COL24A1: variants seen among roughly 807,000 people sequenced by gnomAD.
COL24A1 encodes collagen alpha-1(XXIV) chain.
In COL24A1, 224 loss-of-function variants were observed where a neutral mutation model predicts 253.9. That is an observed-to-expected ratio of 0.88 (90% confidence interval 0.79 to 0.99). The LOEUF (loss-of-function observed/expected upper bound fraction) is 0.99. Among genes scored for constraint, COL24A1 ranks in the 50% least tolerant of loss-of-function variants. The pLI, the probability that COL24A1 is intolerant of heterozygous loss-of-function variation, is 0.00. For synonymous variants in COL24A1, 685 were observed against 673.7 expected, an observed-to-expected ratio of 1.02 and a Z score of -0.26; for missense variants, 2,131 against 2,068.5, an observed-to-expected ratio of 1.03 and a Z score of -0.59.
At chr1:85,807,247 G>A (rs1171198324) in intron 47 of COL24A1, among the ~76,000 whole-genome samples, 1 of 152,182 alleles carries the variant, frequency 6.6e-6, no homozygotes, top group East Asian at 1.9e-4. Flanking sequence ...CAAAGGCCCA[G>A]GAAGATGAAA....
intron 5 of COL24A1, among the ~76,000 whole-genome samples, chr1:86,105,492 G>T (rs1704888378): frequency 1.3e-5 from 2 of 152,146 alleles, no homozygotes; most frequent in South Asian, 4.1e-4. Flanking sequence ...TCCAGCATTG[G>T]GTGCCCTGGG....
At chr1:85,746,653 T>C (rs766728794) in intron 55 of COL24A1, among the ~76,000 whole-genome samples, 5 of 152,162 alleles carry the variant, frequency 3.3e-5, no homozygotes, top group Non-Finnish European at 7.3e-5. Context: ...AAGGCTTCCC[T>C]GAGGTAGTAA....
At chr1:86,046,556 C>T (rs1699916853) in intron 12 of COL24A1, among the ~76,000 whole-genome samples, 1 of 152,140 alleles carries the variant, frequency 6.6e-6, no homozygotes, top group South Asian at 2.1e-4. Flanking sequence ...TTTTCTGTGA[C>T]ATTTTAGCTC....
At chr1:85,924,011 A>G (rs746462404) in intron 24 of COL24A1, among the ~76,000 whole-genome samples, 25 of 152,236 alleles carry the variant, frequency 1.6e-4, no homozygotes, top group Non-Finnish European at 3.2e-4. Flanking sequence ...TCACAGAAAT[A>G]CAAACTACCA....
At chr1:85,892,490 A>T (rs1323880283) in intron 31 of COL24A1, among the ~76,000 whole-genome samples, 1 of 152,074 alleles carries the variant, frequency 6.6e-6, no homozygotes. Context: ...AGGTTACAGG[A>T]AAATGACACC....
intron 20 of COL24A1, among the ~76,000 whole-genome samples, chr1:85,972,205 T>G (rs1375611868): frequency 6.6e-6 from 1 of 152,150 alleles, no homozygotes; most frequent in East Asian, 1.9e-4. Flanking sequence ...TTTATAACCA[T>G]TAAGAAGTTT....
chr1:86,144,203 AATAAC>A (rs1651550929), intron 2 of COL24A1, among the ~76,000 whole-genome samples: 3 of 152,150 alleles, frequency 2.0e-5, no homozygotes, highest in South Asian at 2.1e-4. Flanking sequence ...CCTGAAATAA[AATAAC>A]ATATTTTACA....
At chr1:85,971,612 T>A (rs1350256952) in intron 20 of COL24A1, among the ~76,000 whole-genome samples, 1 of 152,186 alleles carries the variant, frequency 6.6e-6, no homozygotes, top group African/African-American at 2.4e-5. Flanking sequence ...ATTCAAATAA[T>A]CTGCTCAGTA....
At chr1:85,745,254 C>T (rs1343258033) in intron 56 of COL24A1, among the ~76,000 whole-genome samples, 187 bp downstream of exon 56, 3 of 152,012 alleles carry the variant, frequency 2.0e-5, no homozygotes, top group Admixed American at 1.3e-4. Context: ...TACAAAACAT[C>T]CTACGCATAT....
intron 47 of COL24A1, among the ~76,000 whole-genome samples, chr1:85,804,356 G>A (rs1029689159): frequency 1.3e-5 from 2 of 152,068 alleles, no homozygotes; most frequent in African/African-American, 4.8e-5. Context: ...CTGCACAAGA[G>A]GAACAACAAA....
intron 14 of COL24A1, among the ~76,000 whole-genome samples, chr1:86,024,436 A>G (rs1697834238): frequency 6.6e-6 from 1 of 152,176 alleles, no homozygotes; most frequent in Non-Finnish European, 1.5e-5. Flanking sequence ...TGATTTCTAG[A>G]GCTCAATATC....
rs141215744 is a variant in COL24A1 at position 86,040,033 on chromosome 1, G to C, written c.1951-6110C>G. On this transcript the variant is annotated intron_variant, in intron 12 of 59. Coordinates refer to ENST00000370571, the MANE Select transcript of COL24A1 (RefSeq NM_152890.7). ...CAATTCATGGAGATTTGGCATCAAG[G>C]CAGGCTTAATGCTAACCTGGGCCTC... 1.4e-4 allele frequency among the ~76,000 whole-genome samples: 21 copies of C among 152,248 alleles called. No individual in the cohort carries two copies. The East Asian group carries it at 3.9e-3, about 28-fold the overall frequency.
chr1:86,055,855 G>A (rs1036563059), intron 10 of COL24A1, among the ~76,000 whole-genome samples: 31 of 152,128 alleles, frequency 2.0e-4, no homozygotes, highest in African/African-American at 7.5e-4. Context: ...GAGCACGGTG[G>A]CTCACACCTG....
chr1:85,896,216 A>C (rs1353384607), intron 29 of COL24A1, 140 bp downstream of exon 29: 41 of 1,167,134 alleles, frequency 3.5e-5, no homozygotes, highest in Non-Finnish European at 5.0e-5. Flanking sequence ...TGTAGTAAAA[A>C]CTTTATGCGT....
intron 24 of COL24A1, among the ~76,000 whole-genome samples, chr1:85,935,054 T>C (rs114098668): frequency 0.037 from 5,630 of 152,202 alleles, 163 homozygotes; most frequent in African/African-American, 0.075. Flanking sequence ...AATAGTATAT[T>C]TTGCAAAATG....
chr1:85,814,221 C>G (rs369223780), intron 47 of COL24A1, among the ~76,000 whole-genome samples: 21 of 152,304 alleles, frequency 1.4e-4, no homozygotes, highest in African/African-American at 5.1e-4. Flanking sequence ...GCCTCATCAT[C>G]TGGCCTTAAG....
intron 5 of COL24A1, among the ~76,000 whole-genome samples, chr1:86,102,244 T>C (rs1704533660): frequency 6.6e-6 from 1 of 152,070 alleles, no homozygotes; most frequent in African/African-American, 2.4e-5. Context: ...TCCCCTTTGT[T>C]GTTTCTAATT....
At chr1:86,061,643 G>T (rs1433675342) in intron 8 of COL24A1, among the ~76,000 whole-genome samples, 2 of 152,024 alleles carry the variant, frequency 1.3e-5, no homozygotes, top group Non-Finnish European at 2.9e-5. Flanking sequence ...AAATAAACAA[G>T]TAAGACTTCA....
intron 47 of COL24A1, among the ~76,000 whole-genome samples, chr1:85,786,952 T>G (rs1276304495): frequency 6.6e-6 from 1 of 152,208 alleles, no homozygotes; most frequent in Non-Finnish European, 1.5e-5. Flanking sequence ...CTAAATCAGG[T>G]TGGCAAACTA....
Sources: gnomAD v4.1 joint callset for allele counts (sites outside exome capture counted in the v4.1 genomes callset) on GRCh38, gnomAD v4.1.1 for gene constraint, MANE v1.5 for transcripts, NCBI Gene and HGNC (gene_info 2026-07-23, HGNC 2026-07-21) for gene names.